Variants in KCNIP4 observed in about 807,000 individuals in gnomAD.
The protein encoded by KCNIP4 is Kv channel-interacting protein 4.
A neutral mutation model predicts 34.0 loss-of-function variants in KCNIP4; 12 were observed. That is an observed-to-expected ratio of 0.35 (90% CI 0.23 to 0.57). KCNIP4 has a LOEUF of 0.57. Ranked by LOEUF, KCNIP4 falls within the 20% of genes least tolerant of loss-of-function variation. The pLI is 0.83. For synonymous variants in KCNIP4, 124 were observed against 102.2 expected (o/e 1.21, Z -1.29); for missense variants, 238 against 311.7 (o/e 0.76, Z 1.78).
chr4:21,262,559 C>T (rs1323224916), intron 1 of KCNIP4, among the ~76,000 whole-genome samples: 1 of 152,172 alleles, frequency 6.6e-6, no homozygotes, highest in Non-Finnish European at 1.5e-5. Context: ...TACATCTTCC[C>T]TGCAGGATTG....
At chr4:21,840,123 C>A (rs926461411) in intron 1 of KCNIP4, among the ~76,000 whole-genome samples, 3 of 151,858 alleles carry the variant, frequency 2.0e-5, no homozygotes, top group African/African-American at 7.3e-5. Flanking sequence ...TTATGCACAG[C>A]AGATGTGTAG....
At chr4:21,892,549 G>C (rs928277577) in intron 1 of KCNIP4, among the ~76,000 whole-genome samples, 5 of 36,256 alleles carry the variant, frequency 1.4e-4, no homozygotes, top group Non-Finnish European at 2.7e-4. Context: ...AAGCAAAAAA[G>C]TAAAAAAAAA....
At position 21,065,726 on chromosome 4, in the gene KCNIP4, C is replaced by CTATATATATATATA. The variant is rs5856598; in HGVS notation, c.62-183031_62-183018dup. Among the ~76,000 whole-genome samples, 3 of 86,370 alleles carry CTATATATATATATA rather than the reference C, an allele frequency of 3.5e-5. 1 individual carries two copies. The highest frequency in any genetic ancestry group is 6.8e-5 in the Non-Finnish European group (3 of 44,024). 56.7% of individuals were successfully genotyped at this position (86,370 alleles called of 152,430 possible). A position where few individuals can be genotyped will look rare whatever the true frequency, so the allele number is the denominator to read the frequency against. ...TATATCATAGATTGGTATCATTTGT[C>CTATATATATATATA]TATATATATATATATATATATATAT... is the stretch of plus-strand genomic sequence containing the variant. On this transcript the variant is annotated intron_variant, in intron 1 of 8. Transcript: ENST00000382152.
At chr4:21,762,938 G>A in intron 1 of KCNIP4, 1 of 1,288,710 alleles carries the variant, frequency 7.8e-7, no homozygotes, top group South Asian at 1.2e-5. Context: ...TCTGACAGGT[G>A]CTCCCACTTC....
intron 1 of KCNIP4, among the ~76,000 whole-genome samples, chr4:21,431,718 C>A (rs934926292): frequency 2.0e-5 from 3 of 151,584 alleles, no homozygotes; most frequent in Non-Finnish European, 4.4e-5. Flanking sequence ...GGATTGAATT[C>A]CAAGATAGAT....
intron 5 of KCNIP4, among the ~76,000 whole-genome samples, chr4:20,741,657 G>A (rs1377547807): frequency 6.6e-6 from 1 of 152,174 alleles, no homozygotes; most frequent in African/African-American, 2.4e-5. Context: ...ACAATTAAAA[G>A]AAGTAGAGAA....
chr4:20,824,906 G>A (rs1033902880), intron 3 of KCNIP4, among the ~76,000 whole-genome samples: 12 of 152,032 alleles, frequency 7.9e-5, no homozygotes, highest in African/African-American at 2.4e-4. Flanking sequence ...ACACAATTAA[G>A]TATTATCTTT....
chr4:21,697,731 AC>A, intron 1 of KCNIP4: 1 of 1,132,560 alleles, frequency 8.8e-7, no homozygotes, highest in Non-Finnish European at 1.1e-6. Flanking sequence ...ACTTGTAGTA[AC>A]CCAGCTCTGG....
At chr4:20,989,737 G>A (rs1301106281) in intron 1 of KCNIP4, among the ~76,000 whole-genome samples, 1 of 152,094 alleles carries the variant, frequency 6.6e-6, no homozygotes, top group Non-Finnish European at 1.5e-5. Context: ...GGGAGGTTGA[G>A]GTGGGTAGAT....
In KCNIP4 at chr4:21,737,363, G is replaced by GT. The variant is rs113512144; in HGVS notation, c.61+211207dup. Reference sequence around the variant, plus strand: ...CTTACCTCTCAAATACTCTTTCTGGGTTTTTTTTTAATGGCCCAAAATATG... The same window carrying GT: ...CTTACCTCTCAAATACTCTTTCTGGGTTTTTTTTTTAATGGCCCAAAATATG... On this transcript the variant is annotated intron_variant, in intron 1 of 8. Transcript: ENST00000382152. Among the ~76,000 whole-genome samples, 1,410 of 150,046 alleles carry GT rather than the reference G, an allele frequency of 9.4e-3. 22 individuals carry two copies. Among genetic ancestry groups the GT allele is most frequent in the African/African-American group, 0.033 (1,335 of 40,962 alleles).
intron 1 of KCNIP4, among the ~76,000 whole-genome samples, chr4:21,175,692 T>A (rs771659584): frequency 4.6e-5 from 7 of 152,170 alleles, no homozygotes; most frequent in Non-Finnish European, 8.8e-5. Flanking sequence ...AGAAGACTAC[T>A]AAGTGACAAA....
chr4:21,091,905 G>A (rs1382864298), intron 1 of KCNIP4, among the ~76,000 whole-genome samples: 3 of 152,042 alleles, frequency 2.0e-5, no homozygotes, highest in Admixed American at 1.3e-4. Flanking sequence ...ATTTTGAGGG[G>A]AAACCAACAT....
At chr4:21,768,064 A>C (rs1718541873) in intron 1 of KCNIP4, among the ~76,000 whole-genome samples, 1 of 152,140 alleles carries the variant, frequency 6.6e-6, no homozygotes, top group South Asian at 2.1e-4. Context: ...ACAGACATGG[A>C]TATCAATCTC....
chr4:21,109,434 C>T (rs1356062413), intron 1 of KCNIP4, among the ~76,000 whole-genome samples: 1 of 151,970 alleles, frequency 6.6e-6, no homozygotes, highest in Non-Finnish European at 1.5e-5. Flanking sequence ...CCTGGTGTGC[C>T]GTTTTTTAAG....
At chr4:21,909,660 G>A (rs1219368489) in intron 1 of KCNIP4, among the ~76,000 whole-genome samples, 1 of 151,962 alleles carries the variant, frequency 6.6e-6, no homozygotes, top group East Asian at 1.9e-4. Context: ...TACTGTATTA[G>A]TTTGTTTTCA....
chr4:20,868,191 T>C (rs568322342), intron 2 of KCNIP4, among the ~76,000 whole-genome samples: 137 of 152,052 alleles, frequency 9.0e-4, no homozygotes, highest in African/African-American at 3.3e-3. Flanking sequence ...GCAAAGGACA[T>C]GAATCAACAT....
intron 1 of KCNIP4, among the ~76,000 whole-genome samples, chr4:21,743,658 G>A (rs1340509378): frequency 1.3e-5 from 2 of 150,446 alleles, no homozygotes; most frequent in Non-Finnish European, 3.0e-5. Context: ...GGGGAGGGGG[G>A]AGATGCATAC....
At chr4:21,234,185 GTATATTA>G (rs1759090595) in intron 1 of KCNIP4, among the ~76,000 whole-genome samples, 1 of 34,424 alleles carries the variant, frequency 2.9e-5, no homozygotes, top group Non-Finnish European at 4.5e-5. Flanking sequence ...CATATATAAC[GTATATTA>G]TATATAACAT....
At chr4:20,843,871 C>T (rs78472785) in intron 3 of KCNIP4, among the ~76,000 whole-genome samples, 3 of 152,154 alleles carry the variant, frequency 2.0e-5, no homozygotes, top group South Asian at 2.1e-4. Context: ...AACACAATTT[C>T]GTTCACACCA....
Sources: allele counts gnomAD v4.1 joint callset (sites outside exome capture counted in the v4.1 genomes callset), GRCh38; gene constraint gnomAD v4.1.1; transcripts MANE v1.5; gene names NCBI Gene and HGNC (gene_info 2026-07-23, HGNC 2026-07-21).